Variants in ZCCHC17 observed in about 807,000 individuals in gnomAD.
The protein encoded by ZCCHC17 is zinc finger CCHC domain-containing protein 17.
In ZCCHC17, 18 loss-of-function variants were observed where a neutral mutation model predicts 30.6. The observed-to-expected ratio is 0.59, with a 90% CI of 0.41 to 0.87. The LOEUF (loss-of-function observed/expected upper bound fraction) is 0.87. Ranked by LOEUF, ZCCHC17 falls within the 40% of genes least tolerant of loss-of-function variation. The pLI is 0.00. For missense variants in ZCCHC17, 263 were observed against 284.2 expected (o/e 0.93, Z 0.54); for synonymous variants, 88 against 92.4 (o/e 0.95, Z 0.27).
intron 7 of ZCCHC17, among the ~76,000 whole-genome samples, chr1:31,361,775 G>C (rs1639905608): frequency 6.6e-6 from 1 of 150,724 alleles, no homozygotes; most frequent in African/African-American, 2.4e-5. Context: ...TTTTTTTGGG[G>C]AGAGGGGGAG....
chr1:31,326,963 G>T (rs1638378301), intron 3 of ZCCHC17, among the ~76,000 whole-genome samples: 3 of 152,168 alleles, frequency 2.0e-5, no homozygotes, highest in African/African-American at 7.2e-5. Flanking sequence ...GGCTCAGGTA[G>T]GTAGATTCTA....
In ZCCHC17 at chr1:31,319,174, T is replaced by C. The variant is rs370435965; in HGVS notation, c.124+8T>C. 6.8e-6 allele frequency: 11 copies of C among 1,605,956 alleles called. No homozygotes were observed. The Middle Eastern group carries it at 5.0e-4, about 73-fold the overall frequency. ...CAGGCTGTCGGAAGCAAGGTAGGAG[T>C]TTATAACTTGAAATTCAGCCCTCTG... is the stretch of plus-strand genomic sequence containing the variant. On this transcript the variant is annotated splice_region_variant and intron_variant, in intron 3 of 7. Transcript: ENST00000344147.
At chr1:31,339,796 C>T (rs774033374) in intron 5 of ZCCHC17, among the ~76,000 whole-genome samples, 1 of 152,026 alleles carries the variant, frequency 6.6e-6, no homozygotes, top group African/African-American at 2.4e-5. Flanking sequence ...ACAACTCCAG[C>T]GGGGTTTAGA....
intron 1 of ZCCHC17, among the ~76,000 whole-genome samples, chr1:31,297,488 T>C (rs1277179287): frequency 2.0e-5 from 3 of 152,210 alleles, no homozygotes; most frequent in Non-Finnish European, 4.4e-5. Context: ...AATGTCCGAC[T>C]CCTTCTCCAG....
At chr1:31,328,208 C>T (rs998891331) in intron 3 of ZCCHC17, among the ~76,000 whole-genome samples, 1 of 152,134 alleles carries the variant, frequency 6.6e-6, no homozygotes, top group Non-Finnish European at 1.5e-5. Flanking sequence ...TATTTCTGTG[C>T]TTAATTTATA....
At chr1:31,330,986 A>G (rs548551489) in intron 3 of ZCCHC17, among the ~76,000 whole-genome samples, 1 of 152,330 alleles carries the variant, frequency 6.6e-6, no homozygotes, top group African/African-American at 2.4e-5. Flanking sequence ...TCAGCCATAG[A>G]TAGAAATAAA....
intron 2 of ZCCHC17, among the ~76,000 whole-genome samples, chr1:31,316,235 G>A (rs1311194041): frequency 6.6e-6 from 1 of 152,140 alleles, no homozygotes; most frequent in Non-Finnish European, 1.5e-5. Flanking sequence ...CCAAGTAGCT[G>A]GGATTACAGG....
At chr1:31,361,225 T>C (rs1639878762) in intron 7 of ZCCHC17, among the ~76,000 whole-genome samples, 1 of 152,228 alleles carries the variant, frequency 6.6e-6, no homozygotes, top group East Asian at 1.9e-4. Flanking sequence ...TTGCCTTCTC[T>C]CTACTCCATT....
intron 7 of ZCCHC17, among the ~76,000 whole-genome samples, chr1:31,356,906 G>T (rs573593919): frequency 6.6e-6 from 1 of 152,178 alleles, no homozygotes; most frequent in Non-Finnish European, 1.5e-5. Context: ...CTATGAAGTG[G>T]TTGGTAAAAT....
chr1:31,331,760 C>T (rs1016289928), intron 3 of ZCCHC17, among the ~76,000 whole-genome samples: 34 of 151,700 alleles, frequency 2.2e-4, no homozygotes, highest in African/African-American at 6.1e-4. Context: ...TACAGGTGTG[C>T]GCCACCATGC....
chr1:31,306,923 C>T (rs1210900394), intron 1 of ZCCHC17, among the ~76,000 whole-genome samples: 11 of 152,142 alleles, frequency 7.2e-5, no homozygotes, highest in South Asian at 2.1e-4. Flanking sequence ...CTGCAGTCTC[C>T]GCCTCCCGGG....
intron 2 of ZCCHC17, chr1:31,318,297 G>A (rs1487686082): frequency 7.3e-7 from 1 of 1,378,406 alleles, no homozygotes; most frequent in African/African-American, 1.4e-5. Context: ...TCAGCATATA[G>A]TGACAACATT....
intron 5 of ZCCHC17, among the ~76,000 whole-genome samples, chr1:31,345,864 A>T (rs902649582): frequency 1.3e-5 from 2 of 151,914 alleles, no homozygotes; most frequent in Non-Finnish European, 2.9e-5. Flanking sequence ...CGACCCCATT[A>T]TCCAATCACC....
chr1:31,320,546 C>T (rs1482833491), intron 3 of ZCCHC17, among the ~76,000 whole-genome samples: 1 of 152,192 alleles, frequency 6.6e-6, no homozygotes, highest in Non-Finnish European at 1.5e-5. Flanking sequence ...TTATTTTGTA[C>T]ATTTCTTGTA....
chr1:31,363,941 G>A (rs1640029955), intron 7 of ZCCHC17, 91 bp from the exon 8 acceptor site: 1 of 1,521,978 alleles, frequency 6.6e-7, no homozygotes, highest in Non-Finnish European at 8.8e-7. Context: ...AGGATTACAG[G>A]TGTGAGCCAC....
intron 6 of ZCCHC17, 77 bp downstream of exon 6, chr1:31,346,817 G>T (rs1287583762): frequency 1.3e-6 from 2 of 1,591,836 alleles, no homozygotes; most frequent in East Asian, 2.3e-5. Flanking sequence ...AGGCAGCCCA[G>T]TGTGAGTTTA....
intron 5 of ZCCHC17, among the ~76,000 whole-genome samples, chr1:31,343,170 C>A (rs1407994561): frequency 6.6e-6 from 1 of 152,162 alleles, no homozygotes; most frequent in Non-Finnish European, 1.5e-5. Context: ...AGCAATTCTC[C>A]TGCCTCAGCC....
At chr1:31,340,545 G>A (rs528314298) in intron 5 of ZCCHC17, among the ~76,000 whole-genome samples, 8 of 152,096 alleles carry the variant, frequency 5.3e-5, no homozygotes, top group African/African-American at 1.9e-4. Flanking sequence ...TTGAACTCCC[G>A]ACCTCAGGTG....
In ZCCHC17 at chr1:31,297,080, G is replaced by C. The variant is rs1178086143; in HGVS notation, c.-56+5G>C. 4.7e-6 allele frequency: 2 copies of C among 428,138 alleles called. No homozygotes were observed. The highest frequency in any genetic ancestry group is 6.4e-5 in the South Asian group (1 of 15,602). 26.5% of individuals were successfully genotyped at this position (428,138 alleles called of 1,614,324 possible). ...GGGACCTGGAGCTGACGCCTAGTAC[G>C]TATGAGGAAGAACGGGGTGGGTGGC... On this transcript the variant is annotated splice_donor_5th_base_variant and intron_variant, in intron 1 of 7. Transcript: ENST00000344147.
Sources: gnomAD v4.1 joint callset for allele counts (sites outside exome capture counted in the v4.1 genomes callset) on GRCh38, gnomAD v4.1.1 for gene constraint, MANE v1.5 for transcripts, NCBI Gene and HGNC (gene_info 2026-07-23, HGNC 2026-07-21) for gene names.